DNAH14: variants seen among roughly 807,000 people sequenced by gnomAD.
DNAH14 encodes axonemal beta dynein heavy chain 14.
In DNAH14, 478 loss-of-function variants were observed where a neutral mutation model predicts 520.9. That is an observed-to-expected ratio of 0.92 (90% CI 0.85 to 0.99). The LOEUF (loss-of-function observed/expected upper bound fraction) is 0.99, where lower values mean the gene tolerates loss of function less well. Ranked by LOEUF, DNAH14 falls within the 50% of genes least tolerant of loss-of-function variation. The probability of loss-of-function intolerance (pLI) is 0.00; values close to 1 mark genes in which losing one functional copy is unlikely to be tolerated. For synonymous variants in DNAH14, 1,581 were observed against 1,757.2 expected, an observed-to-expected ratio of 0.90 and a Z score of 2.51; for missense variants, 4,831 against 5,234.5, an observed-to-expected ratio of 0.92 and a Z score of 2.38.
chr1:225,140,608 C>A (rs2079354500), intron 27 of DNAH14, 160 bp from the exon 28 acceptor site: 2 of 562,138 alleles, frequency 3.6e-6, no homozygotes, highest in Non-Finnish European at 5.9e-6. Flanking sequence ...CAATCTTTAG[C>A]CCTCAAATAC....
chr1:225,193,700 A>G (rs1023647501), intron 38 of DNAH14, among the ~76,000 whole-genome samples: 3 of 152,152 alleles, frequency 2.0e-5, no homozygotes, highest in Non-Finnish European at 4.4e-5. Context: ...TCCTAGCCAG[A>G]GCAATCAGGC....
chr1:225,085,828 G>C (rs2073700342), intron 21 of DNAH14, 39 bp downstream of exon 21: 2 of 1,476,102 alleles, frequency 1.4e-6, no homozygotes, highest in East Asian at 5.0e-5. Flanking sequence ...TTCTTTTTCT[G>C]TAGTTTTATT....
At chr1:225,103,844 A>G (rs796702481) in intron 23 of DNAH14, among the ~76,000 whole-genome samples, 2 of 152,132 alleles carry the variant, frequency 1.3e-5, no homozygotes, top group Non-Finnish European at 2.9e-5. Context: ...AAACAGGGAC[A>G]ATTTGACTTC....
At chr1:225,060,818 G>A (rs564279635) in intron 17 of DNAH14, among the ~76,000 whole-genome samples, 1 of 44,958 alleles carries the variant, frequency 2.2e-5, no homozygotes, top group African/African-American at 3.3e-5. Context: ...AGCAGACACT[G>A]CAGAACAGCG....
At chr1:225,199,088 G>A (rs1646559626) in intron 38 of DNAH14, among the ~76,000 whole-genome samples, 1 of 152,024 alleles carries the variant, frequency 6.6e-6, no homozygotes. Context: ...TGTCTTTCTA[G>A]GAATTTATCC....
chr1:225,354,228 G>A, intron 73 of DNAH14: 1 of 701,956 alleles, frequency 1.4e-6, no homozygotes, highest in Non-Finnish European at 2.6e-6. Context: ...ACAGACCTTG[G>A]TCCTGTAGGG....
intron 8 of DNAH14, among the ~76,000 whole-genome samples, chr1:224,983,678 C>T (rs1480586331): frequency 6.6e-6 from 1 of 152,126 alleles, no homozygotes; most frequent in Non-Finnish European, 1.5e-5. Context: ...GCTCCTAGCA[C>T]TGATAAAAGT....
intron 60 of DNAH14, among the ~76,000 whole-genome samples, chr1:225,317,774 A>G (rs914969088): frequency 5.3e-5 from 8 of 152,224 alleles, no homozygotes; most frequent in Admixed American, 1.3e-4. Flanking sequence ...TATACAGAGT[A>G]GCTTCTAGAT....
chr1:225,034,260 T>C (rs114898534), intron 11 of DNAH14, among the ~76,000 whole-genome samples: 1,597 of 152,328 alleles, frequency 0.01, 12 homozygotes, highest in Non-Finnish European at 0.016. Flanking sequence ...TTGAGAGTTT[T>C]TAACATGAAG....
At chr1:225,082,072 A>C (rs2073184305) in intron 19 of DNAH14, among the ~76,000 whole-genome samples, 1 of 151,836 alleles carries the variant, frequency 6.6e-6, no homozygotes, top group Non-Finnish European at 1.5e-5. Context: ...GGAGTTTGAG[A>C]CCAGCCTGGG....
chr1:225,185,304 T>G lies in DNAH14; in HGVS notation c.5549T>G (p.Val1850Gly). 1 of 1,543,722 alleles carries G rather than the reference T, an allele frequency of 6.5e-7. No homozygotes were observed. Among genetic ancestry groups the G allele is most frequent in the Non-Finnish European group, 8.7e-7 (1 of 1,144,428 alleles). Residue 1850 changes from valine to glycine, a missense_variant, in exon 37 of 86, where the codon GTG becomes GGG. Physicochemically the swap from Val to Gly is moderately radical, Grantham distance 109. Transcript: ENST00000682510. ...FYNQLQVCVG[V>G]MLVGPTGGGK... ...ATTTTGTTTTAGGTTTGTGTTGGTG[T>G]GATGTTAGTGGGCCCAACAGGTGGA...
At chr1:225,055,367 A>G (rs1375805193) in intron 17 of DNAH14, among the ~76,000 whole-genome samples, 1 of 152,160 alleles carries the variant, frequency 6.6e-6, no homozygotes, top group Non-Finnish European at 1.5e-5. Context: ...ACTATTACTG[A>G]AATAGAAGTA....
chr1:225,381,662 G>T, intron 81 of DNAH14, 83 bp downstream of exon 81: 3 of 1,057,184 alleles, frequency 2.8e-6, no homozygotes, highest in Non-Finnish European at 4.0e-6. Flanking sequence ...GGTAAATGGT[G>T]CATCTGTGTG....
At chr1:225,016,524 G>C (rs1454621646) in intron 10 of DNAH14, among the ~76,000 whole-genome samples, 1 of 152,078 alleles carries the variant, frequency 6.6e-6, no homozygotes, top group African/African-American at 2.4e-5. Context: ...GCCCCAGAGA[G>C]GACATGTTTG....
At chr1:225,348,451 G>A (rs746127495) in intron 71 of DNAH14, among the ~76,000 whole-genome samples, 1 of 152,000 alleles carries the variant, frequency 6.6e-6, no homozygotes, top group Non-Finnish European at 1.5e-5. Context: ...TAAAGTCAAA[G>A]ACAATGACAG....
chr1:225,342,203 C>A (rs1389455647), intron 69 of DNAH14, among the ~76,000 whole-genome samples: 1 of 151,790 alleles, frequency 6.6e-6, no homozygotes, highest in African/African-American at 2.4e-5. Flanking sequence ...AAAATTTTAC[C>A]AATAGTAATA....
At chr1:225,383,308 A>T (rs2095802208) in intron 81 of DNAH14, among the ~76,000 whole-genome samples, 1 of 152,250 alleles carries the variant, frequency 6.6e-6, no homozygotes. Context: ...GTGATGAAAA[A>T]TTGAGATGTG....
intron 54 of DNAH14, among the ~76,000 whole-genome samples, chr1:225,278,768 G>A (rs1205539288): frequency 2.0e-5 from 3 of 152,060 alleles, no homozygotes; most frequent in African/African-American, 7.3e-5. Context: ...TCTAGCAAGA[G>A]GTACATTTAC....
chr1:224,982,710 C>T (rs1025194958), intron 8 of DNAH14, among the ~76,000 whole-genome samples: 3 of 152,150 alleles, frequency 2.0e-5, no homozygotes, highest in African/African-American at 4.8e-5. Flanking sequence ...ATCCAGTGCT[C>T]ATTCAAGACC....
Sources: gnomAD v4.1 joint callset for allele counts (sites outside exome capture counted in the v4.1 genomes callset) on GRCh38, gnomAD v4.1.1 for gene constraint, MANE v1.5 for transcripts, NCBI Gene and HGNC (gene_info 2026-07-23, HGNC 2026-07-21) for gene names.